The following THRB variants were observed in gnomAD, a reference collection of about 807,000 sequenced individuals.
The protein encoded by THRB is nuclear receptor subfamily 1 group A member 2.
THRB carries 12 observed loss-of-function variants against 47.8 expected under a neutral mutation model. That is an observed-to-expected ratio of 0.25 (90% confidence interval 0.16 to 0.41). The LOEUF (loss-of-function observed/expected upper bound fraction) is 0.41. THRB is among the 10% of genes least tolerant of loss of function. THRB has a pLI of 1.00. For missense variants in THRB, 348 were observed against 589.2 expected, an observed-to-expected ratio of 0.59 and a Z score of 4.24; for synonymous variants, 218 against 212.2, an observed-to-expected ratio of 1.03 and a Z score of -0.24.
At chr3:24,358,661 G>T (rs17014563) in intron 1 of THRB, among the ~76,000 whole-genome samples, 5,774 of 152,028 alleles carry the variant, frequency 0.038, 351 homozygotes, top group African/African-American at 0.13. Flanking sequence ...TGAATTTGTT[G>T]TAATTCCCCT....
rs566247558 is a variant in THRB at position 24,381,503 on chromosome 3, G to C, written c.-260-44132C>G. Among the ~76,000 whole-genome samples, 4 of 152,254 alleles carry C rather than the reference G, an allele frequency of 2.6e-5. No individual in the cohort carries two copies. The South Asian group carries it at 8.3e-4, about 32-fold the overall frequency. ...CACCTAAGGTGAGAATAACTCCTTGGAAGGTGAAGCTATACCAGGAGAAGT... is the reference window on the plus strand; with the variant it reads ...CACCTAAGGTGAGAATAACTCCTTGCAAGGTGAAGCTATACCAGGAGAAGT... On this transcript the variant is annotated intron_variant, in intron 1 of 10. Transcript: ENST00000646209.
chr3:24,276,914 A>G (rs2053976340), intron 3 of THRB, among the ~76,000 whole-genome samples: 1 of 152,274 alleles, frequency 6.6e-6, no homozygotes. Flanking sequence ...TGTCTTTTAT[A>G]TGATTAAATG....
At chr3:24,276,076 CT>C (rs1412084862) in intron 3 of THRB, among the ~76,000 whole-genome samples, 1 of 151,180 alleles carries the variant, frequency 6.6e-6, no homozygotes, top group Non-Finnish European at 1.5e-5. Context: ...TTTCCATGCT[CT>C]TGTAGACAGC....
chr3:24,411,820 A>G (rs2068327704), intron 1 of THRB, among the ~76,000 whole-genome samples: 2 of 151,782 alleles, frequency 1.3e-5, no homozygotes, highest in African/African-American at 4.8e-5. Flanking sequence ...AGAATTATTT[A>G]ACCCCATATA....
intron 1 of THRB, among the ~76,000 whole-genome samples, chr3:24,416,920 C>A (rs997019819): frequency 6.6e-6 from 1 of 151,838 alleles, no homozygotes; most frequent in Non-Finnish European, 1.5e-5. Flanking sequence ...TTGCTTTAGA[C>A]GTTAATGTTT....
intron 5 of THRB, 154 bp downstream of exon 5, chr3:24,189,920 A>G: frequency 1.4e-6 from 1 of 713,038 alleles, no homozygotes; most frequent in Non-Finnish European, 2.4e-6. Flanking sequence ...TTAAAAGAAT[A>G]TTTGAAGAAA....
At chr3:24,440,271 C>T (rs2071400700) in intron 1 of THRB, among the ~76,000 whole-genome samples, 1 of 152,014 alleles carries the variant, frequency 6.6e-6, no homozygotes, top group South Asian at 2.1e-4. Context: ...GCCATGCTTC[C>T]AGGTTTCATG....
chr3:24,335,833 A>G (rs1280169856), intron 2 of THRB, among the ~76,000 whole-genome samples: 1 of 152,212 alleles, frequency 6.6e-6, no homozygotes, highest in African/African-American at 2.4e-5. Flanking sequence ...TAAATTGAGG[A>G]GAATGCCTTG....
chr3:24,328,134 C>T (rs958194823), intron 2 of THRB, among the ~76,000 whole-genome samples: 2 of 151,994 alleles, frequency 1.3e-5, no homozygotes, highest in African/African-American at 2.4e-5. Context: ...ATAATGTTGG[C>T]GAGGCCATAG....
chr3:24,475,190 G>A (rs1303872805), intron 1 of THRB, among the ~76,000 whole-genome samples: 1 of 151,706 alleles, frequency 6.6e-6, no homozygotes, highest in African/African-American at 2.4e-5. Context: ...TTTCAAGTGA[G>A]CAAAAAATTG....
chr3:24,192,778 A>C (rs926918075), intron 4 of THRB, among the ~76,000 whole-genome samples: 2 of 152,150 alleles, frequency 1.3e-5, no homozygotes. Context: ...TCCAAAGAAA[A>C]GCAGCTGAGA....
At chr3:24,295,663 C>G (rs901621394) in intron 3 of THRB, among the ~76,000 whole-genome samples, 3 of 152,284 alleles carry the variant, frequency 2.0e-5, no homozygotes, top group African/African-American at 7.2e-5. Flanking sequence ...TGTTAGCCCT[C>G]TTCATTTTCT....
chr3:24,205,493 G>A (rs2045220910), intron 4 of THRB, among the ~76,000 whole-genome samples: 1 of 152,174 alleles, frequency 6.6e-6, no homozygotes, highest in Non-Finnish European at 1.5e-5. Context: ...AAGAGCTCCT[G>A]AAGGAAGCAC....
chr3:24,415,218 G>A (rs1394841658), intron 1 of THRB, among the ~76,000 whole-genome samples: 1 of 151,836 alleles, frequency 6.6e-6, no homozygotes, highest in Non-Finnish European at 1.5e-5. Context: ...GGATCTCTGT[G>A]CATTACCTTG....
intron 1 of THRB, among the ~76,000 whole-genome samples, chr3:24,490,090 T>C (rs1347448011): frequency 2.0e-5 from 3 of 152,156 alleles, no homozygotes; most frequent in Non-Finnish European, 4.4e-5. Flanking sequence ...CTCATCACAA[T>C]GGAGACAATT....
intron 4 of THRB, among the ~76,000 whole-genome samples, chr3:24,207,662 C>T (rs1175857386): frequency 6.6e-6 from 1 of 152,098 alleles, no homozygotes; most frequent in Non-Finnish European, 1.5e-5. Flanking sequence ...ACCCCAAAGC[C>T]AGCAAAAGAG....
intron 3 of THRB, among the ~76,000 whole-genome samples, chr3:24,263,402 A>G (rs756061317): frequency 2.3e-4 from 35 of 152,180 alleles, no homozygotes; most frequent in Non-Finnish European, 4.4e-4. Flanking sequence ...AAGATCACAT[A>G]GTTAACAAGA....
intron 4 of THRB, among the ~76,000 whole-genome samples, chr3:24,203,160 C>G (rs1359299948): frequency 2.0e-5 from 3 of 152,208 alleles, no homozygotes; most frequent in Admixed American, 2.0e-4. Flanking sequence ...TGCCTGGAAT[C>G]CCAGCACTTT....
intron 1 of THRB, among the ~76,000 whole-genome samples, chr3:24,367,576 T>G (rs73825631): frequency 0.022 from 3,320 of 152,286 alleles, 149 homozygotes; most frequent in African/African-American, 0.076. Flanking sequence ...CTAGAACTGA[T>G]AGTAGAAAAG....
Sources: gnomAD v4.1 joint callset for allele counts (sites outside exome capture counted in the v4.1 genomes callset) on GRCh38, gnomAD v4.1.1 for gene constraint, MANE v1.5 for transcripts, NCBI Gene and HGNC (gene_info 2026-07-23, HGNC 2026-07-21) for gene names.